The following SAMD8 variants were observed in gnomAD, a reference collection of about 807,000 sequenced individuals.
SAMD8 encodes sphingomyelin synthase-related protein 1.
A neutral mutation model predicts 42.0 loss-of-function variants in SAMD8; 20 were observed. The ratio of observed to expected loss-of-function variants is 0.48; its 90% CI spans 0.34 to 0.69. SAMD8 has a LOEUF of 0.69. Ranked by LOEUF, SAMD8 falls within the 30% of genes least tolerant of loss-of-function variation. The pLI, the probability that SAMD8 is intolerant of heterozygous loss-of-function variation, is 0.01. For missense variants in SAMD8, 328 were observed against 511.6 expected (o/e 0.64, Z 3.46); for synonymous variants, 162 against 173.0 (o/e 0.94, Z 0.50).
At chr10:75,111,761 G>T (rs945002419) in intron 1 of SAMD8, 39 bp downstream of exon 1, 1 of 1,233,056 alleles carries the variant, frequency 8.1e-7, no homozygotes, top group South Asian at 4.1e-5. Flanking sequence ...GGAGCTTGGG[G>T]GGCGCCTGCT....
intron 1 of SAMD8, among the ~76,000 whole-genome samples, chr10:75,102,905 TCACGCCATTG>T (rs1167721592): frequency 1.3e-5 from 2 of 152,012 alleles, no homozygotes; most frequent in African/African-American, 4.8e-5. Context: ...TGAGCTGAGA[TCACGCCATTG>T]CACTCCAGCC....
At chr10:75,124,301 C>T (rs918883114) in intron 1 of SAMD8, among the ~76,000 whole-genome samples, 1 of 151,932 alleles carries the variant, frequency 6.6e-6, no homozygotes, top group Non-Finnish European at 1.5e-5. Flanking sequence ...AAGCAGAAAT[C>T]CATTTATTTT....
rs367729308 is a variant in SAMD8 at position 75,150,583 on chromosome 10, G to A, written c.55G>A (p.Val19Met). 1.4e-5 allele frequency: 22 copies of A among 1,614,046 alleles called. No individual in the cohort carries two copies. The highest frequency in any genetic ancestry group is 2.2e-5 in the East Asian group (1 of 44,908). ...CCGCTGGACTACCAAGCATGTAGCT[G>A]TGTGGCTGAAGGATGAAGGCTTTTT... ...IRRWTTKHVA[V>M]WLKDEGFFEY... Residue 19 changes from valine (V) to methionine (M), a missense_variant, in exon 2 of 6, where the codon GTG (valine) becomes ATG (methionine). Coordinates refer to ENST00000542569, the MANE Select transcript of SAMD8 (RefSeq NM_001174156.2).
chr10:75,175,939 G>C (rs1045697603), intron 4 of SAMD8, 127 bp from the exon 5 acceptor site: 106 of 1,495,072 alleles, frequency 7.1e-5, no homozygotes, highest in Non-Finnish European at 8.9e-5. Context: ...TAGACTGAAG[G>C]CCTAGATGCT....
chr10:75,150,864 T>C lies in SAMD8; in HGVS notation c.336T>C (p.Asn112=), dbSNP rs1589960700. The C allele has an allele frequency of 1.2e-6, 2 of 1,613,632 alleles. No homozygotes were observed. Among genetic ancestry groups the C allele is most frequent in the Non-Finnish European group, 1.7e-6 (2 of 1,179,748 alleles). ...TTCAGAGTACAGACTGGCTCTGTAATGGGGAGCTTTCCCATGACTGTGACG... is the reference window on the plus strand; with the variant it reads ...TTCAGAGTACAGACTGGCTCTGTAACGGGGAGCTTTCCCATGACTGTGACG... ...SALQSTDWLC[N]GELSHDCDGP... is the part of the protein sequence containing the mutation. Residue 112 remains asparagine, a synonymous_variant, in exon 2 of 6, where the codon AAT becomes AAC. Transcript: ENST00000542569.
chr10:75,168,324 T>C (rs534289107), intron 3 of SAMD8: 1 of 513,948 alleles, frequency 1.9e-6, no homozygotes, highest in Non-Finnish European at 2.5e-6. Context: ...ATCCACATAG[T>C]ATATAAATAG....
chr10:75,175,841 G>A, intron 4 of SAMD8: 1 of 981,982 alleles, frequency 1.0e-6, no homozygotes, highest in Non-Finnish European at 1.2e-6. Flanking sequence ...GAGCCACTGT[G>A]CCCAGTCTGA....
upstream of SAMD8, chr10:75,111,547 C>T (rs914808367): frequency 1.3e-4 from 167 of 1,241,860 alleles, no homozygotes; most frequent in Non-Finnish European, 1.6e-4. Flanking sequence ...GCGGCCGGGA[C>T]GATGCCTGCG....
At chr10:75,147,358 A>C (rs1840163331) in intron 1 of SAMD8, among the ~76,000 whole-genome samples, 1 of 151,986 alleles carries the variant, frequency 6.6e-6, no homozygotes, top group East Asian at 1.9e-4. Context: ...ACGGAGTCTT[A>C]CTGTGTTGCC....
At chr10:75,162,649 C>CAAA (rs11354181) in intron 2 of SAMD8, among the ~76,000 whole-genome samples, 8 of 89,870 alleles carry the variant, frequency 8.9e-5, no homozygotes, top group East Asian at 6.5e-4. Context: ...AACTCCGTCT[C>CAAA]AAAAAAAAAA....
intron 1 of SAMD8, among the ~76,000 whole-genome samples, chr10:75,121,159 A>G (rs1848997190): frequency 1.3e-5 from 2 of 152,188 alleles, no homozygotes. Flanking sequence ...TGCAATCTTC[A>G]CAACAAGCCT....
intron 1 of SAMD8, among the ~76,000 whole-genome samples, chr10:75,143,080 G>A (rs551833033): frequency 1.4e-4 from 22 of 152,264 alleles, no homozygotes; most frequent in Admixed American, 9.2e-4. Context: ...AGGCCGAGGC[G>A]GGTGGATCAC....
At chr10:75,116,306 A>C (rs191551353) in intron 1 of SAMD8, among the ~76,000 whole-genome samples, 2 of 152,066 alleles carry the variant, frequency 1.3e-5, no homozygotes, top group Admixed American at 6.6e-5. Context: ...GGTATCAGCT[A>C]TGTTGACCAG....
intron 1 of SAMD8, among the ~76,000 whole-genome samples, chr10:75,117,999 TG>T (rs1197613425): frequency 6.6e-6 from 1 of 152,170 alleles, no homozygotes; most frequent in Non-Finnish European, 1.5e-5. Context: ...TGGTGCAGCC[TG>T]ATAGTAGAAG....
At chr10:75,114,328 G>A (rs966712651) in intron 1 of SAMD8, among the ~76,000 whole-genome samples, 7 of 111,114 alleles carry the variant, frequency 6.3e-5, no homozygotes, top group East Asian at 4.3e-4. Flanking sequence ...AGAGTGATAT[G>A]TCTCAAAAAA....
chr10:75,172,938 C>G (rs1840904627), intron 4 of SAMD8, among the ~76,000 whole-genome samples: 1 of 151,994 alleles, frequency 6.6e-6, no homozygotes, highest in African/African-American at 2.4e-5. Flanking sequence ...CTAGCCAGGA[C>G]AGATTTTAAA....
intron 1 of SAMD8, chr10:75,125,162 A>G (rs977545816): frequency 6.6e-6 from 1 of 152,244 alleles, no homozygotes; most frequent in African/African-American, 2.4e-5. Flanking sequence ...CATTGTGTGT[A>G]GAATGTTTTT....
chr10:75,172,676 T>G (rs1420863216), intron 4 of SAMD8, among the ~76,000 whole-genome samples: 8 of 152,108 alleles, frequency 5.3e-5, no homozygotes, highest in Non-Finnish European at 2.9e-5. Flanking sequence ...TTTTGTATTT[T>G]CAGTAGAGAT....
intron 1 of SAMD8, among the ~76,000 whole-genome samples, chr10:75,116,846 C>T (rs1026569675): frequency 3.9e-5 from 6 of 152,198 alleles, no homozygotes; most frequent in East Asian, 1.9e-4. Context: ...AGTCTCACTT[C>T]GTTGCCGAAG....
Sources: allele counts gnomAD v4.1 joint callset (sites outside exome capture counted in the v4.1 genomes callset), GRCh38; gene constraint gnomAD v4.1.1; transcripts MANE v1.5; gene names NCBI Gene and HGNC (gene_info 2026-07-23, HGNC 2026-07-21).